The following NALF1 variants were observed in gnomAD, a reference collection of about 807,000 sequenced individuals.
NALF1 encodes NALCN channel auxiliary factor 1, also known as family with sequence similarity 155 member A.
NALF1 carries 3 observed loss-of-function variants against 48.4 expected under a neutral mutation model. The observed-to-expected ratio is 0.06, with a 90% CI of 0.03 to 0.16. The LOEUF (loss-of-function observed/expected upper bound fraction) is 0.16, where lower values mean the gene tolerates loss of function less well. NALF1 is among the 10% of genes least tolerant of loss of function. NALF1 has a pLI of 1.00. For synonymous variants in NALF1, 262 were observed against 245.7 expected, an observed-to-expected ratio of 1.07 and a Z score of -0.62; for missense variants, 526 against 571.5, an observed-to-expected ratio of 0.92 and a Z score of 0.81.
At chr13:107,630,882 T>C (rs1879817461) in intron 1 of NALF1, among the ~76,000 whole-genome samples, 1 of 152,234 alleles carries the variant, frequency 6.6e-6, no homozygotes, top group African/African-American at 2.4e-5. Context: ...CCTAGGTAAC[T>C]GAACTCAAAT....
intron 1 of NALF1, among the ~76,000 whole-genome samples, chr13:107,844,419 A>AT (rs2138637428): frequency 6.6e-6 from 1 of 152,314 alleles, no homozygotes; most frequent in African/African-American, 2.4e-5. Flanking sequence ...GTCATTCTTA[A>AT]GATATACTTC....
At position 107,163,636 on chromosome 13, in the gene NALF1, C is replaced by T. The variant is rs1344489845; in HGVS notation, c.*6861G>A. 6.6e-6 allele frequency: 1 copy of T among 152,164 alleles called. No homozygotes were observed. Among genetic ancestry groups the T allele is most frequent in the Non-Finnish European group, 1.5e-5 (1 of 68,028 alleles). The allele number at this position is 152,164 out of a possible 1,614,324, so 9.4% of individuals were successfully genotyped here. A position where few individuals can be genotyped will look rare whatever the true frequency, so the allele number is the denominator to read the frequency against. The stretch of plus-strand genomic sequence containing the variant: ...GAATGTTCCTTTCCACATTCTTAGT[C>T]TCTCATAATTAACTGGTTTTAGTAC... On this transcript the variant is annotated 3_prime_UTR_variant, in exon 3 of 3. Coordinates refer to ENST00000375915, the MANE Select transcript of NALF1 (RefSeq NM_001080396.3).
intron 1 of NALF1, among the ~76,000 whole-genome samples, chr13:107,318,769 G>C (rs1216448082): frequency 6.6e-6 from 1 of 152,070 alleles, no homozygotes; most frequent in Non-Finnish European, 1.5e-5. Context: ...TGGTGACACT[G>C]ATTATAGAGC....
chr13:107,211,635 C>T (rs759063733), intron 1 of NALF1, among the ~76,000 whole-genome samples: 6 of 152,162 alleles, frequency 3.9e-5, no homozygotes, highest in Non-Finnish European at 8.8e-5. Context: ...ATTTGCAGTA[C>T]AGGTTACTGA....
chr13:107,252,251 T>A (rs1205087000), intron 1 of NALF1, among the ~76,000 whole-genome samples: 1 of 152,108 alleles, frequency 6.6e-6, no homozygotes, highest in African/African-American at 2.4e-5. Flanking sequence ...TCAATTCCTA[T>A]GAGCTGTTGG....
intron 1 of NALF1, among the ~76,000 whole-genome samples, chr13:107,304,211 G>A (rs1183839192): frequency 6.6e-6 from 1 of 152,146 alleles, no homozygotes; most frequent in Non-Finnish European, 1.5e-5. Context: ...CATGTGCTCT[G>A]ACTGTCACAA....
chr13:107,633,946 T>C (rs1879906161), intron 1 of NALF1, among the ~76,000 whole-genome samples: 3 of 149,270 alleles, frequency 2.0e-5, no homozygotes, highest in South Asian at 4.2e-4. Context: ...ATATATATTC[T>C]GTATATATGG....
chr13:107,770,470 CTAGTT>C (rs1391138303), intron 1 of NALF1, among the ~76,000 whole-genome samples: 1 of 152,050 alleles, frequency 6.6e-6, no homozygotes, highest in African/African-American at 2.4e-5. Context: ...AAATGTAACT[CTAGTT>C]TATTATTAAA....
chr13:107,668,803 T>C (rs2138483700), intron 1 of NALF1, among the ~76,000 whole-genome samples: 1 of 152,170 alleles, frequency 6.6e-6, no homozygotes, highest in South Asian at 2.1e-4. Flanking sequence ...AATTTAGTTA[T>C]GGTTCATAAC....
At chr13:107,443,724 C>G (rs948034330) in intron 1 of NALF1, among the ~76,000 whole-genome samples, 1 of 151,980 alleles carries the variant, frequency 6.6e-6, no homozygotes. Context: ...TAAACCATGA[C>G]AGTATGTAAT....
intron 2 of NALF1, 40 bp from the exon 3 acceptor site, chr13:107,170,826 T>C: frequency 6.3e-7 from 1 of 1,585,280 alleles, no homozygotes; most frequent in Non-Finnish European, 8.6e-7. Flanking sequence ...AGGAAGGAAA[T>C]ACATTTGCGA....
intron 2 of NALF1, among the ~76,000 whole-genome samples, chr13:107,179,228 G>A (rs9558964): frequency 1.3e-5 from 2 of 152,164 alleles, no homozygotes; most frequent in African/African-American, 2.4e-5. Flanking sequence ...AGATGGAAAT[G>A]GAGGTCATTA....
intron 1 of NALF1, among the ~76,000 whole-genome samples, chr13:107,365,817 A>T (rs1185586046): frequency 2.6e-5 from 4 of 152,116 alleles, no homozygotes; most frequent in Non-Finnish European, 5.9e-5. Flanking sequence ...ATACCCTCAA[A>T]CTGCACTAAA....
chr13:107,804,334 G>A (rs1455133586), intron 1 of NALF1, among the ~76,000 whole-genome samples: 1 of 151,942 alleles, frequency 6.6e-6, no homozygotes, highest in African/African-American at 2.4e-5. Flanking sequence ...GAGACAGAGA[G>A]AAAAAGACAG....
chr13:107,620,464 A>T (rs566716830), intron 1 of NALF1, among the ~76,000 whole-genome samples: 2 of 152,360 alleles, frequency 1.3e-5, no homozygotes, highest in South Asian at 2.1e-4. Context: ...AGATGTTCAC[A>T]AATCTGATTC....
intron 1 of NALF1, among the ~76,000 whole-genome samples, chr13:107,294,118 C>T (rs1881681289): frequency 6.6e-6 from 1 of 152,146 alleles, no homozygotes; most frequent in Non-Finnish European, 1.5e-5. Flanking sequence ...GTCTAGCTAT[C>T]TCGAAGAACT....
At chr13:107,687,087 T>C (rs1018881120) in intron 1 of NALF1, among the ~76,000 whole-genome samples, 5 of 152,240 alleles carry the variant, frequency 3.3e-5, no homozygotes, top group African/African-American at 1.2e-4. Flanking sequence ...AAAGAAAATA[T>C]GGTGCATATA....
chr13:107,462,398 A>G (rs1884934220), intron 1 of NALF1, among the ~76,000 whole-genome samples: 1 of 152,266 alleles, frequency 6.6e-6, no homozygotes, highest in Admixed American at 6.5e-5. Flanking sequence ...AAGAAATGTT[A>G]GATTACATCA....
chr13:107,421,439 C>T (rs1884185013), intron 1 of NALF1, among the ~76,000 whole-genome samples: 1 of 152,034 alleles, frequency 6.6e-6, no homozygotes, highest in Non-Finnish European at 1.5e-5. Flanking sequence ...GGGCATTATA[C>T]CTTTGATTCA....
Sources: gnomAD v4.1 joint callset for allele counts (sites outside exome capture counted in the v4.1 genomes callset) on GRCh38, gnomAD v4.1.1 for gene constraint, MANE v1.5 for transcripts, NCBI Gene and HGNC (gene_info 2026-07-23, HGNC 2026-07-21) for gene names.